The following TFG variants were observed in gnomAD, a reference collection of about 807,000 sequenced individuals.
The protein encoded by TFG is protein TFG.
Under a neutral mutation model 51.4 loss-of-function variants are expected in TFG, and 22 were observed. The ratio of observed to expected loss-of-function variants is 0.43; its 90% confidence interval spans 0.31 to 0.61. The LOEUF (loss-of-function observed/expected upper bound fraction) is 0.61, where lower values mean the gene tolerates loss of function less well. TFG is among the 20% of genes least tolerant of loss of function. The pLI is 0.12. For missense variants in TFG, 419 were observed against 487.7 expected (o/e 0.86, Z 1.33); for synonymous variants, 187 against 165.6 (o/e 1.13, Z -0.99).
intron 6 of TFG, among the ~76,000 whole-genome samples, chr3:100,738,504 G>A (rs2095112792): frequency 6.6e-6 from 1 of 152,168 alleles, no homozygotes; most frequent in Non-Finnish European, 1.5e-5. Flanking sequence ...ATTCTATGAA[G>A]TGTTTAATTG....
At chr3:100,721,931 G>T (rs1452308556) in intron 3 of TFG, among the ~76,000 whole-genome samples, 1 of 152,218 alleles carries the variant, frequency 6.6e-6, no homozygotes, top group Non-Finnish European at 1.5e-5. Context: ...CGGGCGGATT[G>T]CCTGAGTGCA....
In TFG at chr3:100,748,254, A is replaced by G. The variant is rs747589738; in HGVS notation, c.926A>G (p.Gln309Arg). The G allele has an allele frequency of 6.2e-7, 1 of 1,614,108 alleles. No homozygotes were observed. ...GCTCCTGCCTTTTCTGGTCAGCCTCAACAACTGCCTGCTCAGCCGCCACAG... is the reference window on the plus strand; with the variant it reads ...GCTCCTGCCTTTTCTGGTCAGCCTCGACAACTGCCTGCTCAGCCGCCACAG... ...APAPAFSGQP[Q>R]QLPAQPPQQY... Residue 309 changes from glutamine (Q) to arginine (R), a missense_variant, in exon 8 of 8, where the codon CAA becomes CGA. Gln to Arg is a conservative substitution (Grantham distance 43, BLOSUM62 1). This residue lies in a region of TFG where 391 missense variants were observed against 434.4 expected (regional missense o/e 0.90). Coordinates refer to ENST00000240851, the MANE Select transcript of TFG (RefSeq NM_006070.6).
At chr3:100,714,274 C>T (rs556822753) in intron 2 of TFG, among the ~76,000 whole-genome samples, 121 of 152,132 alleles carry the variant, frequency 8.0e-4, no homozygotes, top group East Asian at 2.7e-3. Context: ...CCGAGGTAGG[C>T]GGATCATTTG....
intron 1 of TFG, among the ~76,000 whole-genome samples, chr3:100,710,756 C>T (rs569191223): frequency 6.6e-6 from 1 of 152,138 alleles, no homozygotes; most frequent in Non-Finnish European, 1.5e-5. Context: ...TTCTGGACTT[C>T]AGAGGGGGCG....
At chr3:100,736,831 T>G in intron 6 of TFG, 115 bp downstream of exon 6, 2 of 1,141,150 alleles carry the variant, frequency 1.8e-6, no homozygotes, top group Non-Finnish European at 2.4e-6. Context: ...GGAAAAATTT[T>G]GATTTACTGA....
chr3:100,711,353 G>A (rs1038081335), intron 1 of TFG, among the ~76,000 whole-genome samples: 2 of 152,026 alleles, frequency 1.3e-5, no homozygotes, highest in African/African-American at 4.8e-5. Context: ...TGCCCGCCTC[G>A]GCCTCCCAAA....
At chr3:100,729,816 G>A (rs1294021430) in intron 4 of TFG, among the ~76,000 whole-genome samples, 2 of 152,062 alleles carry the variant, frequency 1.3e-5, no homozygotes, top group Non-Finnish European at 2.9e-5. Context: ...TTTAAATAAA[G>A]ATGTATTTTC....
intron 6 of TFG, among the ~76,000 whole-genome samples, chr3:100,742,308 T>G (rs945961455): frequency 1.3e-5 from 2 of 152,186 alleles, no homozygotes; most frequent in Non-Finnish European, 2.9e-5. Flanking sequence ...CTAATTGATA[T>G]GAGTAAGTTG....
In TFG at chr3:100,748,543, TA is replaced by T; in HGVS notation, c.*13del. The T allele has an allele frequency of 6.3e-7, 1 of 1,592,772 alleles. No individual in the cohort carries two copies. The highest frequency in any genetic ancestry group is 8.6e-7 in the Non-Finnish European group (1 of 1,166,490). On this transcript the variant is annotated 3_prime_UTR_variant, in exon 8 of 8. Transcript: ENST00000240851. ...CTGGTTATCGATAAGGAGGCTCCTC[TA>T]CACCAATTAATGTAGCTGCTAGCTA... is the stretch of plus-strand genomic sequence containing the variant.
intron 5 of TFG, among the ~76,000 whole-genome samples, chr3:100,732,990 A>T (rs2149083336): frequency 6.6e-6 from 1 of 152,158 alleles, no homozygotes; most frequent in East Asian, 1.9e-4. Context: ...AAAAATCTGA[A>T]CTATTTTATA....
intron 4 of TFG, 50 bp downstream of exon 4, chr3:100,728,908 G>A (rs781710527): frequency 6.8e-7 from 1 of 1,466,728 alleles, no homozygotes; most frequent in Non-Finnish European, 9.0e-7. Context: ...ACGTCTTTTT[G>A]GAGGTTTTAA....
intron 4 of TFG, among the ~76,000 whole-genome samples, chr3:100,732,107 A>G (rs1038822040): frequency 6.6e-6 from 1 of 152,164 alleles, no homozygotes; most frequent in Admixed American, 6.5e-5. Flanking sequence ...TTTATAAAAT[A>G]AAGCCTTAGT....
chr3:100,711,394 C>T lies in TFG; in HGVS notation c.-44+1673C>T, dbSNP rs192637703. 9.3e-3 allele frequency among the ~76,000 whole-genome samples: 1,420 copies of T among 152,292 alleles called. 8 individuals are homozygous for T. The highest frequency in any genetic ancestry group is 0.014 in the Non-Finnish European group (964 of 68,016). ...GGGATTACAGGTGTGAGCCACCGTG[C>T]CCGGCCCTCAAATTTTAAATCCATT... is the stretch of plus-strand genomic sequence containing the variant. On this transcript the variant is annotated intron_variant, in intron 1 of 7. Coordinates refer to ENST00000240851, the MANE Select transcript of TFG (RefSeq NM_006070.6).
At chr3:100,718,562 T>G (rs1220506679) in intron 2 of TFG, among the ~76,000 whole-genome samples, 1 of 143,154 alleles carries the variant, frequency 7.0e-6, no homozygotes, top group East Asian at 2.1e-4. Context: ...TTTTTTTTTT[T>G]TTTTTTTTTT....
At chr3:100,732,417 A>T (rs2095094154) in intron 4 of TFG, 91 bp from the exon 5 acceptor site, 1 of 814,556 alleles carries the variant, frequency 1.2e-6, no homozygotes, top group Non-Finnish European at 2.0e-6. Context: ...GACTATCATT[A>T]TACACCTGCA....
intron 1 of TFG, 111 bp downstream of exon 1, chr3:100,709,832 C>T (rs1176964437): frequency 7.3e-6 from 1 of 137,646 alleles, no homozygotes; most frequent in Non-Finnish European, 1.6e-5. Flanking sequence ...GTCGGAGGCA[C>T]TGTGGGAAGG....
At position 100,729,670 on chromosome 3, in the gene TFG, A is replaced by T. The variant is rs747140985; in HGVS notation, c.415+812A>T. 8.2e-4 allele frequency among the ~76,000 whole-genome samples: 125 copies of T among 152,132 alleles called. 1 individual carries two copies. The highest frequency in any genetic ancestry group is 1.9e-4 in the Non-Finnish European group (13 of 67,994). On this transcript the variant is annotated intron_variant, in intron 4 of 7. Coordinates refer to ENST00000240851, the MANE Select transcript of TFG (RefSeq NM_006070.6). The stretch of plus-strand genomic sequence containing the variant: ...TGTCCATATTGTGAAATAGTAATTT[A>T]AAAAAAGTCTAGACTGGATGACTGC...
At chr3:100,712,850 G>A (rs1473253276) in intron 1 of TFG, among the ~76,000 whole-genome samples, 1 of 152,164 alleles carries the variant, frequency 6.6e-6, no homozygotes, top group Non-Finnish European at 1.5e-5. Flanking sequence ...CACTTGATAA[G>A]GAATCTGAAT....
At chr3:100,721,917 A>G (rs1418439829) in intron 3 of TFG, among the ~76,000 whole-genome samples, 1 of 152,246 alleles carries the variant, frequency 6.6e-6, no homozygotes, top group Non-Finnish European at 1.5e-5. Flanking sequence ...TTGGGAGGCC[A>G]AGGCGGGCGG....
Sources: allele counts gnomAD v4.1 joint callset (sites outside exome capture counted in the v4.1 genomes callset), GRCh38; gene constraint gnomAD v4.1.1; regional missense constraint gnomAD v4.1.1; transcripts MANE v1.5; gene names NCBI Gene and HGNC (gene_info 2026-07-23, HGNC 2026-07-21).